Variants in BCAS1 observed in about 807,000 individuals in gnomAD.
The protein encoded by BCAS1 is brain enriched myelin associated protein 1.
BCAS1 carries 46 observed loss-of-function variants against 65.4 expected under a neutral mutation model. The ratio of observed to expected loss-of-function variants is 0.70; its 90% CI spans 0.55 to 0.90. The LOEUF (loss-of-function observed/expected upper bound fraction) is 0.90, where lower values mean the gene tolerates loss of function less well. BCAS1 is among the 40% of genes least tolerant of loss of function. The pLI is 0.00. For synonymous variants in BCAS1, 298 were observed against 293.5 expected (o/e 1.02, Z -0.16); for missense variants, 793 against 771.2 (o/e 1.03, Z -0.33).
At chr20:54,058,987 A>C (rs1192510665) in intron 1 of BCAS1, among the ~76,000 whole-genome samples, 1 of 152,160 alleles carries the variant, frequency 6.6e-6, no homozygotes, top group Non-Finnish European at 1.5e-5. Context: ...TCGTGGCAGA[A>C]GACACCTCTC....
rs1054788013 is a variant in BCAS1, at chr20:53,996,196, A to G, written c.724-146T>C. 7.8e-5 allele frequency: 59 copies of G among 753,202 alleles called. No individual in the cohort carries two copies. The African/African-American group carries it at 8.5e-4, about 11-fold the overall frequency. 46.7% of individuals were successfully genotyped at this position (753,202 alleles called of 1,614,324 possible). A position where few individuals can be genotyped will look rare whatever the true frequency, so the allele number is the denominator to read the frequency against. ...AGGCGTGCAGAACAATCATGAGATT[A>G]TAAGAGTCACTCTTCCTTCCCTCCC... On this transcript the variant is annotated intron_variant, in intron 4 of 12. Transcript: ENST00000688948.
At chr20:54,037,922 G>GA (rs368217194) in intron 3 of BCAS1, among the ~76,000 whole-genome samples, 2 of 150,884 alleles carry the variant, frequency 1.3e-5, no homozygotes, top group African/African-American at 4.9e-5. Context: ...ACAAGAGGGG[G>GA]AAAAAAACCC....
intron 12 of BCAS1, among the ~76,000 whole-genome samples, chr20:53,949,308 T>C (rs1029030632): frequency 6.6e-6 from 1 of 152,208 alleles, no homozygotes; most frequent in East Asian, 1.9e-4. Flanking sequence ...AGTTGGACTT[T>C]GTGAATGCCA....
chr20:53,953,609 C>A lies in BCAS1; in HGVS notation c.1638G>T (p.Lys546Asn). 6.2e-7 allele frequency: 1 copy of A among 1,613,842 alleles called. No individual in the cohort carries two copies. Among genetic ancestry groups the A allele is most frequent in the East Asian group, 2.2e-5 (1 of 44,838 alleles). The part of the protein sequence containing the change: ...APQKGKEGSS[K>N]DKKSAAEMNK... ...TCATCTCGGCTGCTGACTTCTTGTC[C>A]TTCGAGGAGCCCTCTTTACCCTTCT... The change falls in exon 12 of 13, where the codon AAG (lysine) becomes AAT (asparagine). Residue 546 changes from lysine to asparagine, a missense_variant. Lys to Asn is a moderately conservative substitution (Grantham distance 94). Coordinates refer to ENST00000688948, the MANE Select transcript of BCAS1 (RefSeq NM_001366298.2).
chr20:54,034,665 T>C (rs2091865196), intron 3 of BCAS1, among the ~76,000 whole-genome samples: 1 of 151,450 alleles, frequency 6.6e-6, no homozygotes. Flanking sequence ...CATTCCATGT[T>C]CATTGATAGG....
intron 3 of BCAS1, among the ~76,000 whole-genome samples, chr20:54,052,859 G>C (rs1232279549): frequency 3.3e-5 from 5 of 152,202 alleles, no homozygotes; most frequent in African/African-American, 1.2e-4. Flanking sequence ...AGTACAAACA[G>C]ATTACGAGAC....
At chr20:54,017,584 T>C (rs1480715001) in intron 4 of BCAS1, among the ~76,000 whole-genome samples, 1 of 151,946 alleles carries the variant, frequency 6.6e-6, no homozygotes, top group Non-Finnish European at 1.5e-5. Flanking sequence ...TTAGTGGAGA[T>C]GGAGTTTCAC....
intron 4 of BCAS1, among the ~76,000 whole-genome samples, chr20:54,011,069 T>C (rs551140203): frequency 6.6e-6 from 1 of 152,268 alleles, no homozygotes; most frequent in Admixed American, 6.5e-5. Context: ...ACATCTTATA[T>C]AAAAATTATC....
rs1489890410 is a variant in BCAS1, at chr20:53,966,890, G to C, written c.1485+16C>G. On this transcript the variant is annotated intron_variant, in intron 10 of 12. Transcript: ENST00000688948. ...TAGGTATCTTAGGTTTCCTATACTG[G>C]AAGTAAGGGGCTTACCATTTGTCTG... 1.9e-6 allele frequency: 3 copies of C among 1,592,052 alleles called. No homozygotes were observed.
At chr20:54,058,401 G>C (rs2092329756) in intron 2 of BCAS1, among the ~76,000 whole-genome samples, 1 of 152,042 alleles carries the variant, frequency 6.6e-6, no homozygotes, top group Non-Finnish European at 1.5e-5. Context: ...ACACTCACAG[G>C]AAGCTCTGAC....
At chr20:53,960,085 T>C (rs1366808214) in intron 10 of BCAS1, among the ~76,000 whole-genome samples, 2 of 152,178 alleles carry the variant, frequency 1.3e-5, no homozygotes, top group Non-Finnish European at 2.9e-5. Context: ...CTTTGGATCA[T>C]ATCTGTCAAC....
At position 54,054,733 on chromosome 20, in the gene BCAS1, T is replaced by C. The variant is rs954184824; in HGVS notation, c.142+3352A>G. 2.6e-5 allele frequency among the ~76,000 whole-genome samples: 4 copies of C among 152,352 alleles called. No individual in the cohort carries two copies. In the East Asian group the frequency reaches 5.8e-4, roughly 22 times the overall value. ...GTGAGGGCGAGGTACAAATAACCCA[T>C]GACTCAGAAATGTGTGTTTCTTTTC... On this transcript the variant is annotated intron_variant, in intron 3 of 12. Coordinates refer to ENST00000688948, the MANE Select transcript of BCAS1 (RefSeq NM_001366298.2).
In BCAS1 at chr20:53,975,165, C is replaced by T. The variant is rs139270868; in HGVS notation, c.1317+224G>A. On this transcript the variant is annotated intron_variant, in intron 9 of 12. Transcript: ENST00000688948. Reference sequence around the variant, plus strand: ...TGATAACAATTATAAAAATTTGTGCCCTGATTTTGCATTTATTTTGCACTG... The same window carrying T: ...TGATAACAATTATAAAAATTTGTGCTCTGATTTTGCATTTATTTTGCACTG... 5.8e-4 allele frequency among the ~76,000 whole-genome samples: 89 copies of T among 152,242 alleles called. 1 individual carries two copies. The highest frequency in any genetic ancestry group is 2.1e-3 in the African/African-American group (87 of 41,540).
intron 3 of BCAS1, among the ~76,000 whole-genome samples, chr20:54,039,695 T>G (rs1469367526): frequency 6.7e-6 from 1 of 150,268 alleles, no homozygotes; most frequent in East Asian, 2.0e-4. Context: ...TGATTTTTTT[T>G]ATAAATCTGA....
chr20:53,995,269 T>C (rs113889102), intron 5 of BCAS1, among the ~76,000 whole-genome samples: 3 of 152,348 alleles, frequency 2.0e-5, no homozygotes, highest in East Asian at 1.9e-4. Context: ...TCTGATCTTA[T>C]ACATTTACCA....
intron 12 of BCAS1, among the ~76,000 whole-genome samples, chr20:53,952,317 T>C (rs2089552850): frequency 6.6e-6 from 1 of 152,240 alleles, no homozygotes; most frequent in Admixed American, 6.5e-5. Context: ...TGCCCTGCCC[T>C]CATGGAGCTG....
intron 4 of BCAS1, among the ~76,000 whole-genome samples, chr20:54,020,413 T>C (rs2091531572): frequency 6.6e-6 from 1 of 152,240 alleles, no homozygotes; most frequent in African/African-American, 2.4e-5. Flanking sequence ...AAGTAGATAG[T>C]ACAAATGTAG....
At position 53,975,404 on chromosome 20, in the gene BCAS1, T is replaced by C; in HGVS notation, c.1302A>G (p.Thr434=). ...TGTAACTTACATTCTCCTCCGCACC[T>C]GTGGGGACTGAGTCCTCTTTAACTG... ...KKSVKEDSVP[T]GAEENVVCES... The change falls in exon 9 of 13, where the codon ACA becomes ACG. Residue 434 remains threonine, a synonymous_variant. Transcript: ENST00000688948. 6.2e-7 allele frequency: 1 copy of C among 1,612,262 alleles called. No individual in the cohort carries two copies. Among genetic ancestry groups the C allele is most frequent in the Non-Finnish European group, 8.5e-7 (1 of 1,178,750 alleles).
At chr20:53,993,137 T>C (rs1057392770) in intron 6 of BCAS1, among the ~76,000 whole-genome samples, 1 of 152,176 alleles carries the variant, frequency 6.6e-6, no homozygotes, top group South Asian at 2.1e-4. Flanking sequence ...GGAAGCAATA[T>C]CACCTGCAAA....
Sources: allele counts gnomAD v4.1 joint callset (sites outside exome capture counted in the v4.1 genomes callset), GRCh38; gene constraint gnomAD v4.1.1; transcripts MANE v1.5; gene names NCBI Gene and HGNC (gene_info 2026-07-23, HGNC 2026-07-21).